DCDC1: variants seen among roughly 807,000 people sequenced by gnomAD.
DCDC1 encodes doublecortin domain-containing protein 1.
DCDC1 carries 200 observed loss-of-function variants against 178.3 expected under a neutral mutation model. That is an observed-to-expected ratio of 1.12 (90% confidence interval 1.00 to 1.26). The LOEUF is 1.26. Among genes scored for constraint, DCDC1 ranks in the 50% most tolerant of loss-of-function variants. The pLI is 0.00. For missense variants in DCDC1, 1,983 were observed against 1,749.2 expected (o/e 1.13, Z -2.38); for synonymous variants, 690 against 604.8 (o/e 1.14, Z -2.07).
intron 9 of DCDC1, among the ~76,000 whole-genome samples, chr11:31,166,319 T>C (rs1206598018): frequency 1.3e-5 from 2 of 152,230 alleles, no homozygotes; most frequent in Non-Finnish European, 2.9e-5. Flanking sequence ...CGATTTTTAC[T>C]ATTTTATGTG....
intron 7 of DCDC1, chr11:31,280,645 A>G: frequency 2.1e-6 from 1 of 478,628 alleles, no homozygotes; most frequent in South Asian, 1.8e-5. Context: ...CTGTTTTGTA[A>G]TAAATAAGGC....
chr11:31,345,786 T>C (rs1171065154), intron 1 of DCDC1, among the ~76,000 whole-genome samples: 1 of 152,020 alleles, frequency 6.6e-6, no homozygotes, highest in South Asian at 2.1e-4. Flanking sequence ...AAATAGATAA[T>C]GAAAGAAAAT....
chr11:31,200,661 C>A (rs1337099790), intron 9 of DCDC1, among the ~76,000 whole-genome samples: 1 of 151,726 alleles, frequency 6.6e-6, no homozygotes, highest in African/African-American at 2.4e-5. Flanking sequence ...TTTAAAGGAA[C>A]AAATTTCTGT....
intron 14 of DCDC1, among the ~76,000 whole-genome samples, chr11:31,102,793 A>C (rs1304145455): frequency 6.6e-6 from 1 of 152,172 alleles, no homozygotes; most frequent in Non-Finnish European, 1.5e-5. Flanking sequence ...CACTAGTCAC[A>C]TTTCAAATGC....
chr11:31,294,802 G>T (rs940164368), intron 6 of DCDC1, among the ~76,000 whole-genome samples: 315 of 9,318 alleles, frequency 0.034, 3 homozygotes, highest in Middle Eastern at 0.11. Context: ...TAAAGAAAAA[G>T]AAAGAAAGAA....
intron 1 of DCDC1, among the ~76,000 whole-genome samples, chr11:31,358,821 A>G (rs1236278184): frequency 6.6e-6 from 1 of 152,216 alleles, no homozygotes; most frequent in East Asian, 1.9e-4. Flanking sequence ...GCAGCCAAAA[A>G]ACACATGAAA....
intron 1 of DCDC1, among the ~76,000 whole-genome samples, chr11:31,350,014 C>G (rs1950996733): frequency 6.6e-6 from 1 of 152,016 alleles, no homozygotes; most frequent in African/African-American, 2.4e-5. Context: ...GTATATATAC[C>G]TTTGACCACA....
chr11:31,110,730 T>C (rs907658638), intron 11 of DCDC1, among the ~76,000 whole-genome samples: 3 of 150,472 alleles, frequency 2.0e-5, no homozygotes, highest in Admixed American at 6.6e-5. Flanking sequence ...AAAAAGTCAA[T>C]AGCAACCTAA....
chr11:31,255,910 C>T (rs1054881917), intron 8 of DCDC1, among the ~76,000 whole-genome samples: 1 of 152,134 alleles, frequency 6.6e-6, no homozygotes, highest in African/African-American at 2.4e-5. Flanking sequence ...GATCCACAGT[C>T]GTGAAAATGT....
chr11:31,004,159 T>C (rs1590725766), intron 20 of DCDC1, among the ~76,000 whole-genome samples: 1 of 152,182 alleles, frequency 6.6e-6, no homozygotes, highest in East Asian at 1.9e-4. Flanking sequence ...ATATAAGAAC[T>C]ACTCTTTAAA....
chr11:30,957,841 C>T (rs1948858667), intron 20 of DCDC1, among the ~76,000 whole-genome samples: 1 of 152,156 alleles, frequency 6.6e-6, no homozygotes, highest in African/African-American at 2.4e-5. Context: ...AATATTTAGG[C>T]TCAGGCTCAA....
At position 31,318,730 on chromosome 11, in the gene DCDC1, GTTCT is replaced by G. The variant is rs1301792072; in HGVS notation, c.164+9383_164+9386del. ...CAATGTGTTTGCTCTTGCTTTTCTA[GTTCT>G]TTTAATTGTGATGTTAGGGTGTCAA... On this transcript the variant is annotated intron_variant, in intron 3 of 38. Transcript: ENST00000684477. Among the ~76,000 whole-genome samples the G allele has an allele frequency of 4.4e-5, 2 of 44,952 alleles. 1 individual carries two copies. Among genetic ancestry groups the G allele is most frequent in the Non-Finnish European group, 7.4e-5 (2 of 26,920 alleles). 29.5% of individuals were successfully genotyped at this position (44,952 alleles called of 152,430 possible). A position where few individuals can be genotyped will look rare whatever the true frequency, so the allele number is the denominator to read the frequency against.
intron 8 of DCDC1, among the ~76,000 whole-genome samples, chr11:31,255,267 A>G (rs1475368410): frequency 6.6e-6 from 1 of 152,190 alleles, no homozygotes; most frequent in East Asian, 1.9e-4. Context: ...ATGCATGTAC[A>G]TATACTTGTT....
At chr11:31,084,821 C>A (rs982659598) in intron 17 of DCDC1, among the ~76,000 whole-genome samples, 2 of 151,694 alleles carry the variant, frequency 1.3e-5, no homozygotes, top group African/African-American at 4.8e-5. Context: ...TCAGCCTCAG[C>A]CCACTCAATT....
At chr11:30,973,514 T>C in intron 20 of DCDC1, among the ~76,000 whole-genome samples, 1 of 152,106 alleles carries the variant, frequency 6.6e-6, no homozygotes, top group Non-Finnish European at 1.5e-5. Context: ...AGAAACTCAC[T>C]TTATCTATAA....
intron 7 of DCDC1, among the ~76,000 whole-genome samples, chr11:31,289,892 T>C (rs1947101084): frequency 6.6e-6 from 1 of 151,940 alleles, no homozygotes; most frequent in African/African-American, 2.4e-5. Context: ...CCCTAGGCGT[T>C]TGGTTATGTT....
Position 31,001,354 on chromosome 11 carries a change from CA to C in DCDC1, c.2592-48787del, listed in dbSNP as rs943628887. On this transcript the variant is annotated intron_variant, in intron 20 of 38. Transcript: ENST00000684477. ...ACTTTACCTTCAAAACATTTTGAGA[CA>C]AAAAAAAAATAATATGTCCTTCCAT... is the stretch of plus-strand genomic sequence containing the variant. 4.5e-4 allele frequency among the ~76,000 whole-genome samples: 66 copies of C among 146,486 alleles called. No homozygotes were observed. The East Asian group carries it at 5.7e-3, about 13-fold the overall frequency.
chr11:30,925,835 G>T (rs1486341255), intron 22 of DCDC1, among the ~76,000 whole-genome samples: 1 of 152,082 alleles, frequency 6.6e-6, no homozygotes, highest in Non-Finnish European at 1.5e-5. Context: ...ATGTAGTCTT[G>T]TTCTTTCTCC....
At chr11:31,265,730 G>T in intron 7 of DCDC1, 130 bp from the exon 8 acceptor site, 1 of 372,508 alleles carries the variant, frequency 2.7e-6, no homozygotes, top group Non-Finnish European at 4.6e-6. Flanking sequence ...TTTATAAAAT[G>T]TTCTAATATA....
Sources: allele counts gnomAD v4.1 joint callset (sites outside exome capture counted in the v4.1 genomes callset), GRCh38; gene constraint gnomAD v4.1.1; transcripts MANE v1.5; gene names NCBI Gene and HGNC (gene_info 2026-07-23, HGNC 2026-07-21).